The following PCDHGA9 variants were observed in gnomAD, a reference collection of about 807,000 sequenced individuals.
PCDHGA9 encodes the protein protocadherin gamma-A9.
In PCDHGA9, 37 loss-of-function variants were observed where a neutral mutation model predicts 62.5. The ratio of observed to expected loss-of-function variants is 0.59; its 90% CI spans 0.46 to 0.78. The LOEUF is 0.78. Ranked by LOEUF, PCDHGA9 falls within the 30% of genes least tolerant of loss-of-function variation. PCDHGA9 has a pLI of 0.00. For missense variants in PCDHGA9, 1,138 were observed against 1,166.2 expected (o/e 0.98, Z 0.35); for synonymous variants, 459 against 484.6 (o/e 0.95, Z 0.69).
rs919100488 is a variant in PCDHGA9 at position 141,511,573 on chromosome 5, G to A, written c.*400G>A. On this transcript the variant is annotated 3_prime_UTR_variant, in exon 4 of 4. Transcript: ENST00000573521. ...ACAGTTCCTCTTTCCCGAGTAAGGT[G>A]GTTGGGGTGTTGAAGTACCAAGTAA... 1.1e-4 allele frequency: 33 copies of A among 288,248 alleles called. No individual in the cohort carries two copies. Among genetic ancestry groups the A allele is most frequent in the African/African-American group, 7.1e-4 (33 of 46,356 alleles). The allele number at this position is 288,248 out of a possible 1,614,324, so 17.9% of individuals were successfully genotyped here.
chr5:141,409,591 G>A (rs72790040), intron 1 of PCDHGA9: 42,493 of 1,613,766 alleles, frequency 0.026, 744 homozygotes, highest in East Asian at 0.041. Context: ...ACGTGGCCGA[G>A]AACAACCCGC....
intron 1 of PCDHGA9, among the ~76,000 whole-genome samples, chr5:141,459,221 G>A (rs1028895845): frequency 9.2e-5 from 14 of 152,154 alleles, no homozygotes; most frequent in African/African-American, 3.1e-4. Flanking sequence ...TCCAGCTCCA[G>A]GCAACAACTG....
chr5:141,445,376 A>T (rs1182418123), intron 1 of PCDHGA9, among the ~76,000 whole-genome samples: 1 of 152,220 alleles, frequency 6.6e-6, no homozygotes, highest in Non-Finnish European at 1.5e-5. Context: ...TGGGTGGTTC[A>T]TTCATTCATT....
At position 141,477,369 on chromosome 5, in the gene PCDHGA9, A is replaced by G; in HGVS notation, c.2425-17438A>G. The G allele has an allele frequency of 6.2e-7, 1 of 1,614,164 alleles. No individual in the cohort carries two copies. Among genetic ancestry groups the G allele is most frequent in the Non-Finnish European group, 8.5e-7 (1 of 1,180,026 alleles). ...AAAACCAGTGCAGACCTGGATCGGG[A>G]GACTGTGCCAGAATACAACCTCAGC... On this transcript the variant is annotated intron_variant, in intron 1 of 3. Transcript: ENST00000573521. The surrounding 1 kb of genome is among the most constrained non-coding windows in gnomAD (Gnocchi z 4.9).
In PCDHGA9 at chr5:141,431,339, TTGG is replaced by T. The variant is rs750589924; in HGVS notation, c.2424+25966_2424+25968del. ...AGCCGACGGTAGTAAGTACCCCGAA[TTGG>T]TGCTGAAACGCGCCCTGGACCGCGA... is the stretch of plus-strand genomic sequence containing the variant. On this transcript the variant is annotated intron_variant, in intron 1 of 3. Coordinates refer to ENST00000573521, the MANE Select transcript of PCDHGA9 (RefSeq NM_018921.3). The surrounding 1 kb of genome is among the most constrained non-coding windows in gnomAD (Gnocchi z 4.8). 4 of 1,614,060 alleles carry T rather than the reference TTGG, an allele frequency of 2.5e-6. No individual in the cohort carries two copies. The Admixed American group carries it at 6.7e-5, about 27-fold the overall frequency.
intron 1 of PCDHGA9, chr5:141,422,560 G>T (rs2096656228): frequency 6.2e-7 from 1 of 1,614,032 alleles, no homozygotes; most frequent in East Asian, 2.2e-5. Context: ...GAATGTGGCA[G>T]ATGACAACGA....
In PCDHGA9 at chr5:141,485,589, A is replaced by G. The variant is rs1407992185; in HGVS notation, c.2425-9218A>G. 6.2e-7 allele frequency: 1 copy of G among 1,612,610 alleles called. No homozygotes were observed. Among genetic ancestry groups the G allele is most frequent in the Non-Finnish European group, 8.5e-7 (1 of 1,178,834 alleles). On this transcript the variant is annotated intron_variant, in intron 1 of 3. Coordinates refer to ENST00000573521, the MANE Select transcript of PCDHGA9 (RefSeq NM_018921.3). The surrounding 1 kb of genome is among the most constrained non-coding windows in gnomAD (Gnocchi z 5.7). Reference sequence around the variant, plus strand: ...CCCCGTTTTCCGCGGCAGCAGCTGGACTTGGAAATTGGGGAGGCAGCTCCT... The same window carrying G: ...CCCCGTTTTCCGCGGCAGCAGCTGGGCTTGGAAATTGGGGAGGCAGCTCCT...
chr5:141,432,014 A>C lies in PCDHGA9; in HGVS notation c.2424+26638A>C, dbSNP rs778393699. Reference sequence around the variant, plus strand: ...GGATAGGGAACAGGTTCCTAGCTACAACATCACAGTGACCGCCACTGACCG... The same window carrying C: ...GGATAGGGAACAGGTTCCTAGCTACCACATCACAGTGACCGCCACTGACCG... On this transcript the variant is annotated intron_variant, in intron 1 of 3. Transcript: ENST00000573521. This position sits in a 1 kb window ranked among gnomAD's most constrained non-coding sequence, Gnocchi z 6.0. 16 of 1,614,196 alleles carry C rather than the reference A, an allele frequency of 9.9e-6. 1 individual carries two copies. In the South Asian group the frequency reaches 1.6e-4, roughly 17 times the overall value.
In PCDHGA9 at chr5:141,477,279, C is replaced by T. The variant is rs2099408674; in HGVS notation, c.2425-17528C>T. ...GATGCTGGCGAGAACGGGCTGGTGA[C>T]CTGCGAAGTTCCACCGGGTCTCCCT... is the stretch of plus-strand genomic sequence containing the variant. On this transcript the variant is annotated intron_variant, in intron 1 of 3. Transcript: ENST00000573521. The surrounding 1 kb of genome is among the most constrained non-coding windows in gnomAD (Gnocchi z 4.9). 6.2e-7 allele frequency: 1 copy of T among 1,614,054 alleles called. No individual in the cohort carries two copies. Among genetic ancestry groups the T allele is most frequent in the Non-Finnish European group, 8.5e-7 (1 of 1,180,050 alleles).
At chr5:141,465,293 G>A (rs1407146382) in intron 1 of PCDHGA9, among the ~76,000 whole-genome samples, 2 of 152,258 alleles carry the variant, frequency 1.3e-5, no homozygotes, top group South Asian at 2.1e-4. Flanking sequence ...AAAGAACTGA[G>A]AGTCCTGGGA....
At chr5:141,492,008 G>A (rs1201433644) in intron 1 of PCDHGA9, 21 of 616,588 alleles carry the variant, frequency 3.4e-5, no homozygotes, top group Admixed American at 2.9e-4. Flanking sequence ...CGATTTCCGC[G>A]GGTGTCGGGG....
At chr5:141,472,022 T>C (rs949257396) in intron 1 of PCDHGA9, among the ~76,000 whole-genome samples, 1 of 152,176 alleles carries the variant, frequency 6.6e-6, no homozygotes, top group Non-Finnish European at 1.5e-5. Flanking sequence ...CTATATTGTA[T>C]GTAGAAAGCT....
chr5:141,407,135 GA>G (rs796659459), intron 1 of PCDHGA9, among the ~76,000 whole-genome samples: 93 of 151,930 alleles, frequency 6.1e-4, no homozygotes, highest in African/African-American at 2.2e-3. Flanking sequence ...TTATTTTTAA[GA>G]AAAAAAAGCT....
Position 141,458,000 on chromosome 5 carries a change from A to G in PCDHGA9, c.2425-36807A>G, listed in dbSNP as rs1047291886. ...CACCCTTTCAGTTAAAGCCTTGGCA[A>G]AATAACCGGTTTTTCCAATTGTGTT... On this transcript the variant is annotated intron_variant, in intron 1 of 3. Coordinates refer to ENST00000573521, the MANE Select transcript of PCDHGA9 (RefSeq NM_018921.3). Among the ~76,000 whole-genome samples, 4 of 152,214 alleles carry G rather than the reference A, an allele frequency of 2.6e-5. No homozygotes were observed. In the East Asian group the frequency reaches 5.8e-4, roughly 22 times the overall value.
intron 1 of PCDHGA9, chr5:141,409,289 G>A: frequency 1.2e-6 from 2 of 1,613,976 alleles, no homozygotes; most frequent in Middle Eastern, 1.6e-4. Context: ...TTCACCTCCA[G>A]GAATGGTTGT....
chr5:141,490,374 C>T lies in PCDHGA9; in HGVS notation c.2425-4433C>T, dbSNP rs1452417604. 1.2e-6 allele frequency: 2 copies of T among 1,614,082 alleles called. No homozygotes were observed. Among genetic ancestry groups the T allele is most frequent in the Middle Eastern group, 1.6e-4 (1 of 6,084 alleles). ...GGTTGTTTAATGTGCGAGACCGGGA[C>T]TCAGGTAGAAATGGTGAAGTGAGCC... On this transcript the variant is annotated intron_variant, in intron 1 of 3. Coordinates refer to ENST00000573521, the MANE Select transcript of PCDHGA9 (RefSeq NM_018921.3). This position sits in a 1 kb window ranked among gnomAD's most constrained non-coding sequence, Gnocchi z 5.4.
chr5:141,481,502 T>G (rs1425241526), intron 1 of PCDHGA9, among the ~76,000 whole-genome samples: 1 of 152,232 alleles, frequency 6.6e-6, no homozygotes, highest in Non-Finnish European at 1.5e-5. Context: ...TTGCATGGTA[T>G]GTGAATTATG....
chr5:141,414,946 C>T, intron 1 of PCDHGA9: 1 of 1,614,102 alleles, frequency 6.2e-7, no homozygotes, highest in East Asian at 2.2e-5. Context: ...GCCCGGCTAC[C>T]TGGTGACCAA....
At chr5:141,484,287 C>T (rs1432341538) in intron 1 of PCDHGA9, among the ~76,000 whole-genome samples, 1 of 152,268 alleles carries the variant, frequency 6.6e-6, no homozygotes, top group Non-Finnish European at 1.5e-5. Context: ...GAAACATCTC[C>T]CTCTCCTGGC....
Sources: allele counts gnomAD v4.1 joint callset (sites outside exome capture counted in the v4.1 genomes callset), GRCh38; gene constraint gnomAD v4.1.1; non-coding constraint Gnocchi (gnomAD v3.1); transcripts MANE v1.5; gene names NCBI Gene and HGNC (gene_info 2026-07-23, HGNC 2026-07-21).